STARD13: variants seen among roughly 807,000 people sequenced by gnomAD.
STARD13 encodes the protein StAR related lipid transfer domain containing 13.
STARD13 carries 62 observed loss-of-function variants against 106.4 expected under a neutral mutation model. The observed-to-expected ratio is 0.58, with a 90% CI of 0.48 to 0.72. STARD13 has a LOEUF of 0.72. Among genes scored for constraint, STARD13 ranks in the 30% least tolerant of loss-of-function variants. The pLI is 0.00. For synonymous variants in STARD13, 565 were observed against 553.0 expected, an observed-to-expected ratio of 1.02 and a Z score of -0.31; for missense variants, 1,387 against 1,424.0, an observed-to-expected ratio of 0.97 and a Z score of 0.42.
chr13:33,565,665 C>A, the STARD13 span, among the ~76,000 whole-genome samples: 9 of 147,830 alleles, frequency 6.1e-5, 1 homozygote, highest in African/African-American at 2.2e-4. Flanking sequence ...TACCTGTAGG[C>A]TCATACAGAT....
chr13:33,590,277 G>A, the STARD13 span, among the ~76,000 whole-genome samples: 8 of 152,190 alleles, frequency 5.3e-5, no homozygotes, highest in East Asian at 5.8e-4. Flanking sequence ...CAACCATTGC[G>A]GAAGACAGTG....
At chr13:33,293,112 C>T (rs765583633) in intron 1 of STARD13, among the ~76,000 whole-genome samples, 2 of 152,208 alleles carry the variant, frequency 1.3e-5, no homozygotes, top group Non-Finnish European at 2.9e-5. Context: ...TCAGGCAAGC[C>T]ATCCCTGCTG....
chr13:33,177,006 A>G (rs758428162), intron 1 of STARD13, among the ~76,000 whole-genome samples: 39 of 152,330 alleles, frequency 2.6e-4, no homozygotes, highest in Non-Finnish European at 5.3e-4. Context: ...GGATCTTCAC[A>G]TTTGATGTTT....
At chr13:33,664,531 A>ATCTCACATATT in the STARD13 span, among the ~76,000 whole-genome samples, 1 of 151,922 alleles carries the variant, frequency 6.6e-6, no homozygotes. Context: ...CCTTGAAGAA[A>ATCTCACATATT]TCGATTTCAC....
At chr13:33,500,526 G>C in the STARD13 span, among the ~76,000 whole-genome samples, 1 of 152,088 alleles carries the variant, frequency 6.6e-6, no homozygotes, top group African/African-American at 2.4e-5. Context: ...CAGCCTTAAT[G>C]CACCTGAACA....
At chr13:33,434,837 A>G in the STARD13 span, among the ~76,000 whole-genome samples, 1 of 151,886 alleles carries the variant, frequency 6.6e-6, no homozygotes. Flanking sequence ...AAAATAGTGA[A>G]CAAGACATGG....
intron 1 of STARD13, among the ~76,000 whole-genome samples, chr13:33,247,658 A>G (rs1482423672): frequency 1.3e-5 from 2 of 152,142 alleles, no homozygotes; most frequent in African/African-American, 4.8e-5. Flanking sequence ...TGTATTACAA[A>G]TTTTCAATTT....
At chr13:33,218,104 T>C (rs41327350) in intron 1 of STARD13, among the ~76,000 whole-genome samples, 1 of 152,046 alleles carries the variant, frequency 6.6e-6, no homozygotes, top group Non-Finnish European at 1.5e-5. Context: ...GTAGCCAACT[T>C]TTTACTGTAT....
intron 1 of STARD13, among the ~76,000 whole-genome samples, chr13:33,324,742 TA>T (rs1245088720): frequency 6.6e-6 from 1 of 152,238 alleles, no homozygotes; most frequent in African/African-American, 2.4e-5. Context: ...CTATAATATT[TA>T]GATTATCCCA....
chr13:33,396,175 T>TTG, the STARD13 span, among the ~76,000 whole-genome samples: 1 of 151,864 alleles, frequency 6.6e-6, no homozygotes, highest in Non-Finnish European at 1.5e-5. Context: ...TAAAATTTTT[T>TTG]TGTAGAGATG....
chr13:33,539,046 G>T, the STARD13 span, among the ~76,000 whole-genome samples: 1 of 152,164 alleles, frequency 6.6e-6, no homozygotes, highest in Admixed American at 6.5e-5. Context: ...TGGGATTATA[G>T]GCGTGAGCCA....
the STARD13 span, among the ~76,000 whole-genome samples, chr13:33,623,883 GA>G: frequency 6.6e-6 from 1 of 152,140 alleles, no homozygotes; most frequent in African/African-American, 2.4e-5. Flanking sequence ...CATTATTAGA[GA>G]AATGCTATTA....
chr13:33,293,735 A>T (rs1473372451), intron 1 of STARD13, among the ~76,000 whole-genome samples: 1 of 152,204 alleles, frequency 6.6e-6, no homozygotes, highest in Non-Finnish European at 1.5e-5. Flanking sequence ...AAGCAGGCAG[A>T]AAAACGTGAA....
chr13:33,669,645 C>T, the STARD13 span, among the ~76,000 whole-genome samples: 5 of 150,180 alleles, frequency 3.3e-5, no homozygotes, highest in African/African-American at 9.9e-5. Context: ...AAGCAATTCT[C>T]CTGCCTCAGC....
At chr13:33,569,242 G>T in the STARD13 span, among the ~76,000 whole-genome samples, 1 of 147,572 alleles carries the variant, frequency 6.8e-6, no homozygotes, top group Non-Finnish European at 1.5e-5. Context: ...TAAATTTCAG[G>T]GCTACTTCCT....
the STARD13 span, among the ~76,000 whole-genome samples, chr13:33,404,064 A>T: frequency 2.1e-4 from 32 of 152,194 alleles, no homozygotes; most frequent in Non-Finnish European, 1.8e-4. Flanking sequence ...GTTATTGATG[A>T]GTAGTAATAC....
chr13:33,206,622 C>T (rs1331727128), intron 1 of STARD13, among the ~76,000 whole-genome samples: 2 of 152,182 alleles, frequency 1.3e-5, no homozygotes, highest in East Asian at 3.8e-4. Flanking sequence ...CAGGAGAATG[C>T]ATGGGATGCA....
rs1192142583 is a variant in STARD13, at chr13:33,105,407, G to A, written c.*186C>T. On this transcript the variant is annotated 3_prime_UTR_variant, in exon 14 of 14. Coordinates refer to ENST00000336934, the MANE Select transcript of STARD13 (RefSeq NM_178006.4). ...ATTAGTAGGGATGTAGCCATCTCCA[G>A]GAAGGCTAAGAAAGTTCTTGGAAAT... 1 of 558,142 alleles carries A rather than the reference G, an allele frequency of 1.8e-6. No individual in the cohort carries two copies. The highest frequency in any genetic ancestry group is 1.9e-5 in the African/African-American group (1 of 53,526). 34.6% of individuals were successfully genotyped at this position (558,142 alleles called of 1,614,324 possible).
chr13:33,465,757 T>A, the STARD13 span, among the ~76,000 whole-genome samples: 1 of 152,164 alleles, frequency 6.6e-6, no homozygotes, highest in East Asian at 1.9e-4. Flanking sequence ...ATCTGCCAAT[T>A]ACACTATATG....
Sources: allele counts gnomAD v4.1 joint callset (sites outside exome capture counted in the v4.1 genomes callset), GRCh38; gene constraint gnomAD v4.1.1; transcripts MANE v1.5; gene names NCBI Gene and HGNC (gene_info 2026-07-23, HGNC 2026-07-21).